SLC14A2: variants seen among roughly 807,000 people sequenced by gnomAD.
SLC14A2 encodes the protein urea transporter 2.
SLC14A2 carries 91 observed loss-of-function variants against 104.6 expected under a neutral mutation model. The ratio of observed to expected loss-of-function variants is 0.87; its 90% CI spans 0.73 to 1.04. SLC14A2 has a LOEUF of 1.04. SLC14A2 is among the 50% of genes least tolerant of loss of function. The probability of loss-of-function intolerance (pLI) is 0.00; values close to 1 mark genes in which losing one functional copy is unlikely to be tolerated. For synonymous variants in SLC14A2, 476 were observed against 466.4 expected, an observed-to-expected ratio of 1.02 and a Z score of -0.27; for missense variants, 1,189 against 1,156.0, an observed-to-expected ratio of 1.03 and a Z score of -0.41.
In SLC14A2 at chr18:45,663,930, G is replaced by A. The variant is rs757300142; in HGVS notation, c.1474+23G>A. ...AAGGTGTGCATGTCCTCCCCCTCAC[G>A]CTTGGATCCCTGCCTTCCTAGTCTC... On this transcript the variant is annotated intron_variant, in intron 11 of 19. Coordinates refer to ENST00000255226, the MANE Select transcript of SLC14A2 (RefSeq NM_007163.4). The A allele has an allele frequency of 5.6e-6, 9 of 1,595,472 alleles. No homozygotes were observed. In the East Asian group the frequency reaches 9.0e-5, roughly 16 times the overall value.
chr18:45,626,651 G>A (rs1568304115), intron 3 of SLC14A2, among the ~76,000 whole-genome samples: 1 of 143,612 alleles, frequency 7.0e-6, no homozygotes, highest in African/African-American at 2.7e-5. Context: ...CCCTTGGAAT[G>A]CTCCCGGGGC....
chr18:45,569,213 A>C (rs2044311450), intron 2 of SLC14A2, among the ~76,000 whole-genome samples: 1 of 151,914 alleles, frequency 6.6e-6, no homozygotes, highest in South Asian at 2.1e-4. Flanking sequence ...TTCTATCTTC[A>C]CCCATCCTTA....
intron 1 of SLC14A2, among the ~76,000 whole-genome samples, chr18:45,359,105 G>C (rs1430976865): frequency 5.3e-5 from 8 of 152,318 alleles, no homozygotes; most frequent in African/African-American, 1.9e-4. Flanking sequence ...AGTCTCTGAA[G>C]TATACCAAGC....
At chr18:45,414,477 A>G (rs1422015213) in intron 1 of SLC14A2, among the ~76,000 whole-genome samples, 1 of 152,042 alleles carries the variant, frequency 6.6e-6, no homozygotes. Context: ...CTCTCTCATC[A>G]GTCTCTTCTC....
intron 1 of SLC14A2, among the ~76,000 whole-genome samples, chr18:45,471,070 ATTAG>A (rs1042583930): frequency 3.3e-5 from 5 of 152,068 alleles, no homozygotes; most frequent in African/African-American, 1.2e-4. Context: ...TTTTCTACTG[ATTAG>A]TTAAATTTCA....
intron 10 of SLC14A2, among the ~76,000 whole-genome samples, chr18:45,657,874 A>T (rs1027690711): frequency 1.3e-5 from 2 of 152,202 alleles, no homozygotes; most frequent in African/African-American, 4.8e-5. Context: ...TTCACAGAAA[A>T]AGGTACCATC....
At chr18:45,328,842 A>T (rs2085262033) in intron 1 of SLC14A2, among the ~76,000 whole-genome samples, 1 of 152,232 alleles carries the variant, frequency 6.6e-6, no homozygotes, top group Admixed American at 6.5e-5. Context: ...TCCAAACCCA[A>T]ACAAACTCAA....
intron 1 of SLC14A2, among the ~76,000 whole-genome samples, chr18:45,308,509 C>T (rs1332392776): frequency 1.3e-5 from 2 of 152,182 alleles, no homozygotes; most frequent in Non-Finnish European, 2.9e-5. Flanking sequence ...CGCTGAACAT[C>T]GTGTGTAGCT....
chr18:45,682,674 CTCTTT>C lies in SLC14A2; in HGVS notation c.*159_*163del. 2 of 647,762 alleles carry C rather than the reference CTCTTT, an allele frequency of 3.1e-6. No homozygotes were observed. The highest frequency in any genetic ancestry group is 1.8e-5 in the African/African-American group (1 of 55,086). 40.1% of individuals were successfully genotyped at this position (647,762 alleles called of 1,614,324 possible). On this transcript the variant is annotated 3_prime_UTR_variant, in exon 20 of 20. Coordinates refer to ENST00000255226, the MANE Select transcript of SLC14A2 (RefSeq NM_007163.4). ...GTATGTAGTCACCATTCCAGAACCT[CTCTTT>C]TCTAAGATGCACAACACTTATCAAA...
At chr18:45,387,735 A>G (rs968864041) in intron 1 of SLC14A2, among the ~76,000 whole-genome samples, 1 of 152,220 alleles carries the variant, frequency 6.6e-6, no homozygotes, top group Non-Finnish European at 1.5e-5. Context: ...TCGAATGTAG[A>G]AAGTTGTATG....
chr18:45,332,370 T>A (rs2085299072), intron 1 of SLC14A2, among the ~76,000 whole-genome samples: 1 of 152,254 alleles, frequency 6.6e-6, no homozygotes, highest in African/African-American at 2.4e-5. Flanking sequence ...TTAGGTATTA[T>A]AAGTAATCTA....
chr18:45,588,929 G>C (rs1005770153), intron 2 of SLC14A2, among the ~76,000 whole-genome samples: 2 of 151,436 alleles, frequency 1.3e-5, no homozygotes, highest in Admixed American at 1.3e-4. Context: ...GGAGAGGAAG[G>C]TCTGTTTAGA....
the SLC14A2 span, among the ~76,000 whole-genome samples, chr18:45,206,415 A>G: frequency 6.7e-6 from 1 of 149,812 alleles, no homozygotes; most frequent in Non-Finnish European, 1.5e-5. Context: ...ACACACATAC[A>G]CATACACACA....
chr18:45,446,814 G>T (rs527845293), intron 1 of SLC14A2, among the ~76,000 whole-genome samples: 1 of 152,216 alleles, frequency 6.6e-6, no homozygotes, highest in South Asian at 2.1e-4. Context: ...CCCAAAATGG[G>T]GCTCAGCAAG....
Position 45,675,702 on chromosome 18 carries a change from TA to T in SLC14A2, c.2512+1886del, listed in dbSNP as rs1568006187. On this transcript the variant is annotated intron_variant, in intron 18 of 19. Transcript: ENST00000255226. ...GCTAATTTCTATATATATATATATATATATATATTTTTTTTTTTTTTTTTTT... is the reference window on the plus strand; with the variant it reads ...GCTAATTTCTATATATATATATATATTATATATTTTTTTTTTTTTTTTTTT... Among the ~76,000 whole-genome samples, 14 of 64,318 alleles carry T rather than the reference TA, an allele frequency of 2.2e-4. 1 individual carries two copies. The highest frequency in any genetic ancestry group is 5.9e-4 in the African/African-American group (10 of 16,920). 42.2% of individuals were successfully genotyped at this position (64,318 alleles called of 152,430 possible). A position where few individuals can be genotyped will look rare whatever the true frequency, so the allele number is the denominator to read the frequency against.
chr18:45,269,896 CT>C (rs547632327), intron 1 of SLC14A2, among the ~76,000 whole-genome samples: 5 of 152,244 alleles, frequency 3.3e-5, no homozygotes, highest in Admixed American at 3.3e-4. Context: ...TTTTTGGTCT[CT>C]TTTTTTCTAT....
intron 2 of SLC14A2, among the ~76,000 whole-genome samples, chr18:45,592,579 T>C (rs1045133915): frequency 3.9e-5 from 6 of 152,342 alleles, no homozygotes; most frequent in African/African-American, 1.4e-4. Flanking sequence ...TCCCCAGAGC[T>C]CTGCTTCACA....
upstream of SLC14A2, among the ~76,000 whole-genome samples, chr18:45,211,681 A>C (rs191715210): frequency 2.6e-5 from 4 of 152,166 alleles, no homozygotes; most frequent in Admixed American, 2.0e-4. Flanking sequence ...TTTATTCAGC[A>C]CTTACTCTTT....
intron 1 of SLC14A2, among the ~76,000 whole-genome samples, chr18:45,409,188 G>A (rs1195407364): frequency 6.6e-6 from 1 of 152,226 alleles, no homozygotes; most frequent in Non-Finnish European, 1.5e-5. Context: ...ATGCATCTGA[G>A]TCTCCAGGTT....
Sources: allele counts gnomAD v4.1 joint callset (sites outside exome capture counted in the v4.1 genomes callset), GRCh38; gene constraint gnomAD v4.1.1; transcripts MANE v1.5; gene names NCBI Gene and HGNC (gene_info 2026-07-23, HGNC 2026-07-21).